The following SLC9B1 variants were observed in gnomAD, a reference collection of about 807,000 sequenced individuals.
SLC9B1 encodes sodium/hydrogen exchanger 9B1.
SLC9B1 carries 32 observed loss-of-function variants against 51.7 expected under a neutral mutation model. The observed-to-expected ratio is 0.62, with a 90% CI of 0.47 to 0.83. SLC9B1 has a LOEUF of 0.83. Among genes scored for constraint, SLC9B1 ranks in the 40% least tolerant of loss-of-function variants. The pLI is 0.00. For synonymous variants in SLC9B1, 145 were observed against 212.7 expected (o/e 0.68, Z 2.77); for missense variants, 406 against 613.2 (o/e 0.66, Z 3.57).
intron 9 of SLC9B1, among the ~76,000 whole-genome samples, chr4:102,907,776 C>CT (rs1735125893): frequency 6.6e-6 from 1 of 152,098 alleles, no homozygotes; most frequent in African/African-American, 2.4e-5. Flanking sequence ...ACTGTGTTTT[C>CT]TGATCCCCAC....
intron 3 of SLC9B1, among the ~76,000 whole-genome samples, chr4:102,984,761 G>A (rs1739528287): frequency 6.6e-6 from 1 of 152,314 alleles, no homozygotes; most frequent in Admixed American, 6.5e-5. Context: ...TTTGCCTGCT[G>A]TCTCTGTCCA....
intron 3 of SLC9B1, among the ~76,000 whole-genome samples, chr4:102,967,772 G>A (rs190209997): frequency 1.5e-3 from 229 of 152,206 alleles, no homozygotes; most frequent in African/African-American, 5.4e-3. Context: ...TTTTGGTAAA[G>A]ACACTCAAAC....
At chr4:102,890,708 G>A (rs1159559645) in intron 11 of SLC9B1, 1 of 151,896 alleles carries the variant, frequency 6.6e-6, no homozygotes, top group Non-Finnish European at 1.5e-5. Flanking sequence ...CGGGCACAGT[G>A]GCGCACCAGT....
intron 1 of SLC9B1, among the ~76,000 whole-genome samples, chr4:103,013,573 A>C (rs559071610): frequency 6.6e-6 from 1 of 152,352 alleles, no homozygotes; most frequent in East Asian, 1.9e-4. Context: ...GAACTAGAAA[A>C]GCTCTCAAGA....
intron 5 of SLC9B1, among the ~76,000 whole-genome samples, chr4:102,946,024 A>T (rs1256512800): frequency 6.6e-6 from 1 of 152,194 alleles, no homozygotes; most frequent in Non-Finnish European, 1.5e-5. Context: ...TCATAAAAAA[A>T]TTACTGAAAT....
rs192606565 is a variant in SLC9B1, at chr4:102,918,111, A to G, written c.830-6574T>C. 1.8e-3 allele frequency among the ~76,000 whole-genome samples: 276 copies of G among 151,166 alleles called. 2 individuals carry two copies. The highest frequency in any genetic ancestry group is 6.3e-3 in the African/African-American group (262 of 41,308). On this transcript the variant is annotated intron_variant, in intron 7 of 11. Coordinates refer to ENST00000296422, the MANE Select transcript of SLC9B1 (RefSeq NM_139173.4). ...AAAGGCTAGAGAAAAAAAAAACCCA[A>G]TGAAACTAGTAGTTGTTTCAAAGTT...
intron 3 of SLC9B1, among the ~76,000 whole-genome samples, chr4:102,960,441 A>G (rs1201412470): frequency 6.6e-6 from 1 of 152,080 alleles, no homozygotes; most frequent in Non-Finnish European, 1.5e-5. Flanking sequence ...CTGATACTTA[A>G]ATAATTGTGA....
intron 7 of SLC9B1, among the ~76,000 whole-genome samples, chr4:102,912,383 T>C (rs1735381568): frequency 1.3e-5 from 2 of 152,210 alleles, no homozygotes; most frequent in South Asian, 4.1e-4. Context: ...TATCTGCTTT[T>C]GGTGAAGAAA....
intron 7 of SLC9B1, among the ~76,000 whole-genome samples, chr4:102,919,423 G>A (rs1735748421): frequency 6.6e-6 from 1 of 152,154 alleles, no homozygotes; most frequent in African/African-American, 2.4e-5. Flanking sequence ...TCTTCTACCA[G>A]ATGTCCTGGG....
chr4:102,962,217 A>T, intron 3 of SLC9B1: 1 of 533,684 alleles, frequency 1.9e-6, no homozygotes, highest in Non-Finnish European at 3.8e-6. Context: ...AAGGTAGTTG[A>T]CAAAGCCCAA....
At chr4:102,978,501 C>A (rs1004268598) in intron 3 of SLC9B1, among the ~76,000 whole-genome samples, 1 of 152,042 alleles carries the variant, frequency 6.6e-6, no homozygotes, top group Admixed American at 6.6e-5. Flanking sequence ...AACCAGTGGG[C>A]GAAGGATATG....
chr4:103,009,684 C>G (rs555632615), intron 1 of SLC9B1, among the ~76,000 whole-genome samples: 93 of 152,100 alleles, frequency 6.1e-4, no homozygotes, highest in Non-Finnish European at 1.1e-3. Flanking sequence ...TTAACACATA[C>G]TTATTCAATT....
At chr4:102,885,947 G>A (rs1733888895) in intron 11 of SLC9B1, among the ~76,000 whole-genome samples, 1 of 152,140 alleles carries the variant, frequency 6.6e-6, no homozygotes, top group Admixed American at 6.5e-5. Context: ...TTTAATGTGG[G>A]AAGGAGTTTG....
intron 3 of SLC9B1, among the ~76,000 whole-genome samples, chr4:102,955,179 C>T (rs1737722375): frequency 6.6e-6 from 1 of 152,108 alleles, no homozygotes; most frequent in Non-Finnish European, 1.5e-5. Context: ...GTGGTTCCCC[C>T]CATACTGTTC....
intron 3 of SLC9B1, among the ~76,000 whole-genome samples, chr4:102,984,265 G>A (rs369836675): frequency 2.5e-4 from 38 of 152,028 alleles, no homozygotes; most frequent in Admixed American, 3.9e-4. Context: ...ACAGGCATGC[G>A]TCACCACACT....
chr4:102,969,020 A>C (rs554106844), intron 3 of SLC9B1, among the ~76,000 whole-genome samples: 2 of 152,230 alleles, frequency 1.3e-5, no homozygotes, highest in Admixed American at 6.5e-5. Context: ...GTAGGTAAGC[A>C]AAGCAGCTGG....
chr4:102,945,067 C>T, intron 6 of SLC9B1, 126 bp downstream of exon 6: 2 of 1,127,186 alleles, frequency 1.8e-6, no homozygotes, highest in Non-Finnish European at 2.4e-6. Flanking sequence ...AACTGCTTTC[C>T]AAGGATTTTA....
intron 3 of SLC9B1, among the ~76,000 whole-genome samples, chr4:102,960,675 AT>A (rs979919453): frequency 6.6e-6 from 1 of 151,132 alleles, no homozygotes; most frequent in African/African-American, 2.4e-5. Context: ...GAGTCACTGT[AT>A]TTTTTTAGTA....
chr4:102,905,510 T>C lies in SLC9B1; in HGVS notation c.1332+4A>G, dbSNP rs774809211. 1.4e-5 allele frequency: 23 copies of C among 1,607,548 alleles called. No individual in the cohort carries two copies. The highest frequency in any genetic ancestry group is 1.9e-5 in the Non-Finnish European group (22 of 1,177,772). Reference sequence around the variant, plus strand: ...ATTAAGCAACAGGCTTAATATGTTCTTACCTGTACTGTAGCTTTGGGCATC... The same window carrying C: ...ATTAAGCAACAGGCTTAATATGTTCCTACCTGTACTGTAGCTTTGGGCATC... On this transcript the variant is annotated splice_donor_region_variant and intron_variant, in intron 11 of 11. Coordinates refer to ENST00000296422, the MANE Select transcript of SLC9B1 (RefSeq NM_139173.4).
Sources: gnomAD v4.1 joint callset for allele counts (sites outside exome capture counted in the v4.1 genomes callset) on GRCh38, gnomAD v4.1.1 for gene constraint, MANE v1.5 for transcripts, NCBI Gene and HGNC (gene_info 2026-07-23, HGNC 2026-07-21) for gene names.